KIF1B: variants seen among roughly 807,000 people sequenced by gnomAD.
KIF1B encodes kinesin family member 1B.
In KIF1B, 76 loss-of-function variants were observed where a neutral mutation model predicts 241.9. The ratio of observed to expected loss-of-function variants is 0.31; its 90% CI spans 0.26 to 0.38. The LOEUF is 0.38. KIF1B is among the 10% of genes least tolerant of loss of function. The pLI, the probability that KIF1B is intolerant of heterozygous loss-of-function variation, is 1.00. For synonymous variants in KIF1B, 750 were observed against 796.7 expected (o/e 0.94, Z 0.99); for missense variants, 1,622 against 2,271.4 (o/e 0.71, Z 5.81).
chr1:10,278,216 G>A, intron 13 of KIF1B, 88 bp downstream of exon 13: 3 of 1,379,788 alleles, frequency 2.2e-6, no homozygotes, highest in Non-Finnish European at 3.1e-6. Flanking sequence ...TAAACTTCAA[G>A]TTAAGGAGCA....
intron 22 of KIF1B, among the ~76,000 whole-genome samples, chr1:10,316,557 G>A (rs1651313413): frequency 6.6e-6 from 1 of 151,006 alleles, no homozygotes; most frequent in African/African-American, 2.5e-5. Flanking sequence ...CTGGAGTACA[G>A]TGGCACGATC....
At chr1:10,245,638 A>T (rs1647199606) in intron 2 of KIF1B, among the ~76,000 whole-genome samples, 1 of 152,188 alleles carries the variant, frequency 6.6e-6, no homozygotes, top group Non-Finnish European at 1.5e-5. Context: ...TGCCTTTTAG[A>T]TTTATGAAGG....
At chr1:10,368,446 A>G (rs760598043) in intron 43 of KIF1B, 21 bp from the exon 44 acceptor site, 1 of 1,605,388 alleles carries the variant, frequency 6.2e-7, no homozygotes, top group South Asian at 1.1e-5. Flanking sequence ...TTCAGCTTGC[A>G]CTTCTCTTTC....
intron 5 of KIF1B, among the ~76,000 whole-genome samples, chr1:10,266,635 G>A (rs937245006): frequency 3.3e-5 from 5 of 152,130 alleles, no homozygotes; most frequent in African/African-American, 1.2e-4. Context: ...CTGTAATATT[G>A]ATATTGTTCC....
At chr1:10,243,165 C>G (rs1352061089) in intron 2 of KIF1B, among the ~76,000 whole-genome samples, 1 of 152,070 alleles carries the variant, frequency 6.6e-6, no homozygotes, top group African/African-American at 2.4e-5. Flanking sequence ...GCCTGTAATC[C>G]CTGCACTTTG....
intron 1 of KIF1B, among the ~76,000 whole-genome samples, chr1:10,222,742 A>G (rs1180162156): frequency 6.6e-6 from 1 of 152,198 alleles, no homozygotes; most frequent in Non-Finnish European, 1.5e-5. Context: ...ATGTTAGTGA[A>G]TGCTTCTGGA....
intron 1 of KIF1B, chr1:10,227,808 C>T (rs762255969): frequency 6.9e-6 from 1 of 144,462 alleles, no homozygotes; most frequent in East Asian, 2.1e-4. Flanking sequence ...AACTTCATCT[C>T]AAAAAAAAAA....
chr1:10,370,222 T>C (rs1569920265), intron 44 of KIF1B, among the ~76,000 whole-genome samples: 1 of 146,752 alleles, frequency 6.8e-6, no homozygotes, highest in East Asian at 2.1e-4. Context: ...TGCACTCCAG[T>C]CTGGGTGACA....
At chr1:10,349,201 G>A (rs1349533970) in intron 37 of KIF1B, among the ~76,000 whole-genome samples, 1 of 152,154 alleles carries the variant, frequency 6.6e-6, no homozygotes, top group East Asian at 1.9e-4. Flanking sequence ...CACTTTTGGA[G>A]GCTGAGATGG....
intron 2 of KIF1B, among the ~76,000 whole-genome samples, chr1:10,235,975 A>G (rs907295304): frequency 2.6e-5 from 4 of 151,628 alleles, no homozygotes; most frequent in Admixed American, 2.6e-4. Flanking sequence ...TTTAAACTAA[A>G]CATATAGTAT....
intron 24 of KIF1B, among the ~76,000 whole-genome samples, chr1:10,323,588 C>A (rs866507163): frequency 2.6e-5 from 4 of 152,130 alleles, no homozygotes; most frequent in Non-Finnish European, 4.4e-5. Context: ...CATCACTGCA[C>A]CCAGCCTGGG....
At chr1:10,350,335 G>A (rs1557730285) in intron 37 of KIF1B, among the ~76,000 whole-genome samples, 2 of 151,662 alleles carry the variant, frequency 1.3e-5, no homozygotes, top group Non-Finnish European at 2.9e-5. Flanking sequence ...CAAGATGGGC[G>A]GATCACGAGG....
At chr1:10,336,070 G>C (rs1172108701) in intron 28 of KIF1B, among the ~76,000 whole-genome samples, 1 of 152,148 alleles carries the variant, frequency 6.6e-6, no homozygotes, top group African/African-American at 2.4e-5. Context: ...ATACTTGTTG[G>C]GTATTATTGA....
Position 10,231,375 on chromosome 1 carries a change from G to GC in KIF1B, c.-79-872dup, listed in dbSNP as rs1463434026. On this transcript the variant is annotated intron_variant, in intron 1 of 48. Transcript: ENST00000676179. ...ATAATTAATGTATGGAGAGTTCAGT[G>GC]CCCTTTTTTTTTTTTTTTTTTTTTT... Among the ~76,000 whole-genome samples, 49 of 130,136 alleles carry GC rather than the reference G, an allele frequency of 3.8e-4. No homozygotes were observed. The East Asian group carries it at 0.011, about 28-fold the overall frequency. The allele number at this position is 130,136 out of a possible 152,430, so 85.4% of individuals were successfully genotyped here.
chr1:10,230,625 G>A (rs1190588163), intron 1 of KIF1B: 2 of 152,030 alleles, frequency 1.3e-5, no homozygotes, highest in East Asian at 1.9e-4. Context: ...TAATAGAGAC[G>A]GGGTTTCACC....
At chr1:10,322,910 AAC>A (rs1651578814) in intron 24 of KIF1B, among the ~76,000 whole-genome samples, 1 of 152,228 alleles carries the variant, frequency 6.6e-6, no homozygotes, top group African/African-American at 2.4e-5. Context: ...ATATTTATTA[AAC>A]ACTTTTATAA....
chr1:10,226,476 T>A (rs1400671078), intron 1 of KIF1B, among the ~76,000 whole-genome samples: 1 of 152,198 alleles, frequency 6.6e-6, no homozygotes, highest in Admixed American at 6.5e-5. Context: ...CTTTCTTGTC[T>A]TGTTTGTAAC....
rs377163815 is a variant in KIF1B at position 10,261,885 on chromosome 1, C to G, written c.364-20C>G. 2 of 1,560,026 alleles carry G rather than the reference C, an allele frequency of 1.3e-6. No individual in the cohort carries two copies. Among genetic ancestry groups the G allele is most frequent in the African/African-American group, 2.7e-5 (2 of 73,826 alleles). On this transcript the variant is annotated intron_variant, in intron 4 of 48. Coordinates refer to ENST00000676179, the MANE Select transcript of KIF1B (RefSeq NM_001365951.3). ...CCTCTCATTTGTGCTCTTCATGCCT[C>G]TCTCATTCTACTTCCCTAGTTATGT...
At chr1:10,363,381 TTG>T in intron 41 of KIF1B, 37 bp downstream of exon 41, 1 of 1,523,986 alleles carries the variant, frequency 6.6e-7, no homozygotes, top group Non-Finnish European at 9.1e-7. Context: ...ATAGTTATCT[TTG>T]TGTATGTTTC....
Sources: gnomAD v4.1 joint callset for allele counts (sites outside exome capture counted in the v4.1 genomes callset) on GRCh38, gnomAD v4.1.1 for gene constraint, MANE v1.5 for transcripts, NCBI Gene and HGNC (gene_info 2026-07-23, HGNC 2026-07-21) for gene names.